Variants in FAR1 observed in about 807,000 individuals in gnomAD.
The protein encoded by FAR1 is fatty acyl-CoA reductase 1.
A neutral mutation model predicts 61.1 loss-of-function variants in FAR1; 22 were observed. The observed-to-expected ratio is 0.36, with a 90% CI of 0.26 to 0.51. FAR1 has a LOEUF of 0.51. FAR1 is among the 20% of genes least tolerant of loss of function. The pLI, the probability that FAR1 is intolerant of heterozygous loss-of-function variation, is 0.95. For missense variants in FAR1, 359 were observed against 626.9 expected (o/e 0.57, Z 4.56); for synonymous variants, 206 against 209.7 (o/e 0.98, Z 0.15).
chr11:13,691,804 A>G (rs190431204), intron 1 of FAR1, among the ~76,000 whole-genome samples: 166 of 152,268 alleles, frequency 1.1e-3, no homozygotes, highest in African/African-American at 2.9e-3. Flanking sequence ...CCACTTGGCT[A>G]TCGTGAGCAG....
chr11:13,690,790 A>G (rs1848241073), intron 1 of FAR1, among the ~76,000 whole-genome samples: 2 of 152,286 alleles, frequency 1.3e-5, no homozygotes, highest in Admixed American at 1.3e-4. Context: ...TTGGGATTAT[A>G]TTGACTTTAA....
intron 1 of FAR1, among the ~76,000 whole-genome samples, chr11:13,687,325 G>C (rs932698204): frequency 4.6e-5 from 7 of 152,192 alleles, no homozygotes; most frequent in African/African-American, 1.7e-4. Flanking sequence ...CTCAAGAACA[G>C]TGAAAATAAA....
intron 9 of FAR1, 105 bp downstream of exon 9, chr11:13,714,785 A>T: frequency 9.8e-7 from 1 of 1,020,994 alleles, no homozygotes; most frequent in Middle Eastern, 2.2e-4. Context: ...GATAAGGCTT[A>T]ATAGCCTTTT....
intron 3 of FAR1, among the ~76,000 whole-genome samples, chr11:13,701,071 C>G (rs1053294725): frequency 6.6e-6 from 1 of 152,034 alleles, no homozygotes; most frequent in Non-Finnish European, 1.5e-5. Context: ...TTAAAAAAAT[C>G]TAATGAGTAT....
chr11:13,715,392 A>G (rs1848545324), intron 9 of FAR1, among the ~76,000 whole-genome samples: 1 of 152,152 alleles, frequency 6.6e-6, no homozygotes, highest in Non-Finnish European at 1.5e-5. Flanking sequence ...CATGGTTGTC[A>G]TTGTTATTAT....
chr11:13,712,847 A>T, intron 7 of FAR1, 119 bp from the exon 8 acceptor site: 1 of 620,310 alleles, frequency 1.6e-6, no homozygotes, highest in Non-Finnish European at 2.7e-6. Context: ...ATAATTAAAA[A>T]AAAATAGTAT....
At chr11:13,695,982 C>T (rs546885827) in intron 2 of FAR1, among the ~76,000 whole-genome samples, 4 of 152,250 alleles carry the variant, frequency 2.6e-5, no homozygotes, top group Non-Finnish European at 5.9e-5. Flanking sequence ...CTCCCTTAAT[C>T]ATTTTTTCTC....
chr11:13,695,702 T>G (rs1000632850), intron 2 of FAR1, among the ~76,000 whole-genome samples: 1 of 152,192 alleles, frequency 6.6e-6, no homozygotes, highest in Non-Finnish European at 1.5e-5. Context: ...AATATCTACA[T>G]TCGTATAGGC....
chr11:13,673,413 G>A (rs1848032671), intron 1 of FAR1, among the ~76,000 whole-genome samples: 1 of 152,194 alleles, frequency 6.6e-6, no homozygotes, highest in African/African-American at 2.4e-5. Flanking sequence ...TTACAGATGA[G>A]GAGAGTGAGA....
At chr11:13,724,501 G>C (rs894160436) in intron 10 of FAR1, among the ~76,000 whole-genome samples, 2 of 147,888 alleles carry the variant, frequency 1.4e-5, no homozygotes, top group Non-Finnish European at 3.0e-5. Context: ...AGGGAGCCGA[G>C]ATTGTGTCAC....
At chr11:13,719,636 C>T (rs1848588683) in intron 9 of FAR1, among the ~76,000 whole-genome samples, 1 of 152,098 alleles carries the variant, frequency 6.6e-6, no homozygotes, top group Admixed American at 6.5e-5. Flanking sequence ...CTTCTCTAAA[C>T]CAGGTATCTA....
chr11:13,708,435 G>GCA (rs1491138817), intron 4 of FAR1, among the ~76,000 whole-genome samples: 5 of 64,286 alleles, frequency 7.8e-5, no homozygotes, highest in South Asian at 4.9e-4. Context: ...ATATACATGT[G>GCA]CGCGCGCGCG....
chr11:13,702,231 T>A (rs1418657712), intron 3 of FAR1, among the ~76,000 whole-genome samples: 1 of 152,064 alleles, frequency 6.6e-6, no homozygotes, highest in Non-Finnish European at 1.5e-5. Flanking sequence ...TAGATGTATT[T>A]ATGTACATGT....
intron 9 of FAR1, among the ~76,000 whole-genome samples, chr11:13,718,839 C>G (rs750539524): frequency 5.9e-5 from 9 of 151,968 alleles, no homozygotes; most frequent in Non-Finnish European, 1.3e-4. Context: ...GGGAAGGGGA[C>G]AGAGTAGCTG....
At chr11:13,706,033 T>G (rs1290243813) in intron 3 of FAR1, among the ~76,000 whole-genome samples, 1 of 152,194 alleles carries the variant, frequency 6.6e-6, no homozygotes, top group Non-Finnish European at 1.5e-5. Flanking sequence ...GATTTTTTTC[T>G]TAAATACTGA....
At position 13,695,543 on chromosome 11, in the gene FAR1, A is replaced by T. The variant is rs368442216; in HGVS notation, c.189+589A>T. 4.6e-5 allele frequency among the ~76,000 whole-genome samples: 7 copies of T among 152,322 alleles called. No homozygotes were observed. The East Asian group carries it at 1.2e-3, about 25-fold the overall frequency. On this transcript the variant is annotated intron_variant, in intron 2 of 11. Transcript: ENST00000354817. ...TTGTGAATTCTCTCAAAATGAATGA[A>T]TTTATCTGACATTTACTAATAAATA...
At chr11:13,722,506 G>A (rs1021043486) in intron 10 of FAR1, among the ~76,000 whole-genome samples, 10 of 148,976 alleles carry the variant, frequency 6.7e-5, no homozygotes, top group Non-Finnish European at 8.9e-5. Flanking sequence ...ATAGAGTTTC[G>A]TTCTGTGCCC....
intron 11 of FAR1, among the ~76,000 whole-genome samples, 159 bp from the exon 12 acceptor site, chr11:13,728,453 A>G (rs1161584324): frequency 2.0e-5 from 3 of 151,972 alleles, no homozygotes; most frequent in East Asian, 1.9e-4. Context: ...AATTCAAGGT[A>G]CATATCTGTT....
At chr11:13,716,871 C>T (rs1266502912) in intron 9 of FAR1, among the ~76,000 whole-genome samples, 4 of 151,980 alleles carry the variant, frequency 2.6e-5, no homozygotes, top group Non-Finnish European at 5.9e-5. Flanking sequence ...ATACTTGTGC[C>T]ATGTTGGTGT....
Sources: gnomAD v4.1 joint callset for allele counts (sites outside exome capture counted in the v4.1 genomes callset) on GRCh38, gnomAD v4.1.1 for gene constraint, MANE v1.5 for transcripts, NCBI Gene and HGNC (gene_info 2026-07-23, HGNC 2026-07-21) for gene names.